The following BIRC6 variants were observed in gnomAD, a reference collection of about 807,000 sequenced individuals.
The protein encoded by BIRC6 is baculoviral IAP repeat containing 6.
In BIRC6, 98 loss-of-function variants were observed where a neutral mutation model predicts 503.3. The observed-to-expected ratio is 0.19, with a 90% CI of 0.17 to 0.23. The LOEUF (loss-of-function observed/expected upper bound fraction) is 0.23. BIRC6 is among the 10% of genes least tolerant of loss of function. The pLI is 1.00. For synonymous variants in BIRC6, 2,240 were observed against 2,078.7 expected (o/e 1.08, Z -2.11); for missense variants, 5,360 against 5,806.0 (o/e 0.92, Z 2.50).
At position 32,543,230 on chromosome 2, in the gene BIRC6, T is replaced by C; in HGVS notation, c.12292-11T>C. ...GTGAATGGCCAAGCCAACACTTTTCTTTTTCTTTAGGTGAGTGCTCCAGTT... is the reference window on the plus strand; with the variant it reads ...GTGAATGGCCAAGCCAACACTTTTCCTTTTCTTTAGGTGAGTGCTCCAGTT... On this transcript the variant is annotated splice_polypyrimidine_tract_variant and intron_variant, in intron 61 of 73. Transcript: ENST00000421745. 3.7e-6 allele frequency: 6 copies of C among 1,609,396 alleles called. No homozygotes were observed. The highest frequency in any genetic ancestry group is 5.1e-6 in the Non-Finnish European group (6 of 1,176,566).
rs1269608992 is a variant in BIRC6 at position 32,515,072 on chromosome 2, C to T, written c.10651C>T (p.His3551Tyr). The change falls in exon 55 of 74, where the codon CAC (histidine) becomes TAC (tyrosine). Residue 3551 changes from histidine to tyrosine, a missense_variant. This residue lies in a region of BIRC6 where 878 missense variants were observed against 928.9 expected (regional missense o/e 0.95). Coordinates refer to ENST00000421745, the MANE Select transcript of BIRC6 (RefSeq NM_016252.4). ...TGACAGTCTACTTTGCTCAATGTGT[C>T]ACGTACACCCAAACTATTTTTCTTT... is the stretch of plus-strand genomic sequence containing the variant. ...AVDSLLCSMC[H>Y]VHPNYFSLLM... is the part of the protein sequence containing the mutation. The T allele has an allele frequency of 3.1e-6, 5 of 1,613,754 alleles. No individual in the cohort carries two copies. Among genetic ancestry groups the T allele is most frequent in the South Asian group, 1.1e-5 (1 of 91,078 alleles).
At chr2:32,574,261 GCGCCACCA>G (rs1423685809) in intron 65 of BIRC6, among the ~76,000 whole-genome samples, 2 of 149,872 alleles carry the variant, frequency 1.3e-5, no homozygotes, top group Non-Finnish European at 3.0e-5. Context: ...CTACAGGTGT[GCGCCACCA>G]CGCCCAGCTA....
chr2:32,401,533 C>G lies in BIRC6; in HGVS notation c.1328C>G (p.Pro443Arg), dbSNP rs1157435345. 1.2e-6 allele frequency: 2 copies of G among 1,613,956 alleles called. No individual in the cohort carries two copies. The highest frequency in any genetic ancestry group is 2.2e-5 in the East Asian group (1 of 44,886). Residue 443 changes from proline (P) to arginine (R), a missense_variant, in exon 8 of 74, where the codon CCA (proline) becomes CGA (arginine). This residue lies in a region of BIRC6 where 700 missense variants were observed against 739.3 expected (regional missense o/e 0.95). Coordinates refer to ENST00000421745, the MANE Select transcript of BIRC6 (RefSeq NM_016252.4). ...IVQQLILSGD[P>R]SSGVDSRRPT... ...CAACAGCTTATTCTATCAGGAGACCCAAGCTCAGGAGTTGATTCAAGGAGA... is the reference window on the plus strand; with the variant it reads ...CAACAGCTTATTCTATCAGGAGACCGAAGCTCAGGAGTTGATTCAAGGAGA...
intron 33 of BIRC6, among the ~76,000 whole-genome samples, chr2:32,473,976 C>T (rs191855605): frequency 1.7e-4 from 26 of 151,834 alleles, no homozygotes; most frequent in Admixed American, 1.4e-3. Flanking sequence ...AGGCTGCTCT[C>T]AAACTCCTGG....
intron 41 of BIRC6, 94 bp downstream of exon 41, chr2:32,487,895 G>A: frequency 7.7e-6 from 8 of 1,041,294 alleles, no homozygotes; most frequent in South Asian, 5.1e-5. Flanking sequence ...ATCCTGTCAG[G>A]GATGATTTCT....
chr2:32,420,275 G>T (rs2042797312), intron 10 of BIRC6, among the ~76,000 whole-genome samples: 1 of 152,138 alleles, frequency 6.6e-6, no homozygotes, highest in Non-Finnish European at 1.5e-5. Flanking sequence ...TAAAGTTTGT[G>T]TATAATTGGT....
chr2:32,412,949 C>G (rs1181863911), intron 9 of BIRC6, among the ~76,000 whole-genome samples: 1 of 150,668 alleles, frequency 6.6e-6, no homozygotes, highest in Non-Finnish European at 1.5e-5. Context: ...AATCACATTA[C>G]TTTTTTGAAA....
At chr2:32,374,544 CTCACTGCAAG>C (rs2036453267) in intron 1 of BIRC6, among the ~76,000 whole-genome samples, 2 of 150,842 alleles carry the variant, frequency 1.3e-5, no homozygotes, top group Non-Finnish European at 2.9e-5. Context: ...GTGATCTTGG[CTCACTGCAAG>C]CTCCGCCTCC....
At chr2:32,494,336 T>G (rs2052153176) in intron 45 of BIRC6, among the ~76,000 whole-genome samples, 1 of 151,932 alleles carries the variant, frequency 6.6e-6, no homozygotes, top group South Asian at 2.1e-4. Flanking sequence ...GAAGCGATTC[T>G]CATGCCTCAG....
intron 21 of BIRC6, among the ~76,000 whole-genome samples, chr2:32,447,635 C>T (rs1165125594): frequency 3.3e-5 from 4 of 120,716 alleles, no homozygotes; most frequent in African/African-American, 6.7e-5. Context: ...CCGGACGGCG[C>T]GGCTGGCCGG....
chr2:32,607,190 TATC>T (rs68076204), intron 71 of BIRC6, among the ~76,000 whole-genome samples: 67,666 of 150,414 alleles, frequency 0.45, 15,403 homozygotes, highest in African/African-American at 0.55. Context: ...TTATTATTAT[TATC>T]ATCTATCTTC....
At chr2:32,436,879 GTTT>G (rs2044770527) in intron 15 of BIRC6, among the ~76,000 whole-genome samples, 1 of 122,394 alleles carries the variant, frequency 8.2e-6, no homozygotes, top group Non-Finnish European at 1.7e-5. Context: ...GGTTTTTTTT[GTTT>G]TTTCTTTTTT....
At chr2:32,529,857 A>G (rs754176214) in intron 60 of BIRC6, 33 bp downstream of exon 60, 1 of 1,404,032 alleles carries the variant, frequency 7.1e-7, no homozygotes, top group Non-Finnish European at 9.5e-7. Flanking sequence ...AAAATTACAG[A>G]CTGTCATACA....
chr2:32,615,855 G>T (rs1220600989), intron 73 of BIRC6, among the ~76,000 whole-genome samples: 14 of 151,966 alleles, frequency 9.2e-5, no homozygotes, highest in African/African-American at 3.1e-4. Flanking sequence ...GGATGGTCTC[G>T]ATCTTTTGAC....
intron 71 of BIRC6, among the ~76,000 whole-genome samples, chr2:32,605,318 A>C (rs1380259888): frequency 6.6e-6 from 1 of 152,204 alleles, no homozygotes; most frequent in African/African-American, 2.4e-5. Flanking sequence ...CGTGAATCTA[A>C]AGTAATTTTT....
At chr2:32,578,566 T>C (rs2060422307) in intron 66 of BIRC6, among the ~76,000 whole-genome samples, 1 of 152,038 alleles carries the variant, frequency 6.6e-6, no homozygotes, top group Non-Finnish European at 1.5e-5. Flanking sequence ...TAGGCTGACT[T>C]GGGCTGATCA....
chr2:32,518,868 T>C lies in BIRC6; in HGVS notation c.11545T>C (p.Tyr3849His). The change falls in exon 57 of 74, where the codon TAT becomes CAT. Residue 3849 changes from tyrosine (Y) to histidine (H), a missense_variant. By Grantham distance (83) the Tyr-to-His change is moderately conservative (BLOSUM62 2). Around this residue, in one of 16 missense-constraint regions of BIRC6, gnomAD observed 878 missense variants for 928.9 expected, o/e 0.95. Transcript: ENST00000421745. ...ATSHVIQHPM[Y>H]GAGHKFRTLH... ...TAGCCACGTCATCCAGCATCCAATG[T>C]ATGGAGCAGGCCACAAATTCCGTAC... 1 of 1,613,738 alleles carries C rather than the reference T, an allele frequency of 6.2e-7. No individual in the cohort carries two copies. Among genetic ancestry groups the C allele is most frequent in the Non-Finnish European group, 8.5e-7 (1 of 1,179,690 alleles).
At chr2:32,494,295 T>G (rs899237188) in intron 45 of BIRC6, among the ~76,000 whole-genome samples, 1 of 151,980 alleles carries the variant, frequency 6.6e-6, no homozygotes, top group Non-Finnish European at 1.5e-5. Flanking sequence ...TGGTGCAGTC[T>G]TGGCTCACTG....
At chr2:32,411,258 C>G (rs896614765) in intron 9 of BIRC6, among the ~76,000 whole-genome samples, 1 of 150,692 alleles carries the variant, frequency 6.6e-6, no homozygotes, top group Non-Finnish European at 1.5e-5. Context: ...AGTCTGGTCT[C>G]GAACTCCTGA....
Sources: allele counts gnomAD v4.1 joint callset (sites outside exome capture counted in the v4.1 genomes callset), GRCh38; gene constraint gnomAD v4.1.1; regional missense constraint gnomAD v4.1.1; transcripts MANE v1.5; gene names NCBI Gene and HGNC (gene_info 2026-07-23, HGNC 2026-07-21).